CELF5: variants seen among roughly 807,000 people sequenced by gnomAD.
CELF5 encodes the protein CUG-BP and ETR-3 like factor 5.
A neutral mutation model predicts 54.9 loss-of-function variants in CELF5; 6 were observed. The observed-to-expected ratio is 0.11, with a 90% CI of 0.06 to 0.22. The LOEUF is 0.22. Ranked by LOEUF, CELF5 falls within the 10% of genes least tolerant of loss-of-function variation. CELF5 has a pLI of 1.00. For synonymous variants in CELF5, 271 were observed against 290.9 expected (o/e 0.93, Z 0.70); for missense variants, 401 against 678.6 (o/e 0.59, Z 4.54).
chr19:3,248,386 C>CT (rs1232062648), intron 1 of CELF5, among the ~76,000 whole-genome samples: 1 of 152,082 alleles, frequency 6.6e-6, no homozygotes, highest in African/African-American at 2.4e-5. Context: ...CCCCATCCCC[C>CT]TCCCCAGCCC....
At position 3,281,490 on chromosome 19, in the gene CELF5, C is replaced by G; in HGVS notation, c.750+145C>G. ...GCTGAACCCCAACTCCAAATTGAGACCAAGCTCAGACCGAGCCCCTAAATC... is the reference window on the plus strand; with the variant it reads ...GCTGAACCCCAACTCCAAATTGAGAGCAAGCTCAGACCGAGCCCCTAAATC... On this transcript the variant is annotated intron_variant, in intron 6 of 12. Transcript: ENST00000292672. This position sits in a 1 kb window ranked among gnomAD's most constrained non-coding sequence, Gnocchi z 6.5. 1.1e-6 allele frequency: 1 copy of G among 876,124 alleles called. No individual in the cohort carries two copies. Among genetic ancestry groups the G allele is most frequent in the Admixed American group, 2.6e-5 (1 of 38,564 alleles). 54.3% of individuals were successfully genotyped at this position (876,124 alleles called of 1,614,324 possible).
At chr19:3,266,830 C>A (rs755622905) in intron 2 of CELF5, among the ~76,000 whole-genome samples, 3 of 152,048 alleles carry the variant, frequency 2.0e-5, no homozygotes, top group Non-Finnish European at 4.4e-5. Context: ...GACCCCCCGG[C>A]CTGCCAGCCA....
chr19:3,255,173 C>G (rs546449183), intron 2 of CELF5, among the ~76,000 whole-genome samples: 9 of 152,200 alleles, frequency 5.9e-5, no homozygotes, highest in Non-Finnish European at 1.0e-4. Flanking sequence ...GGGGCTCAAA[C>G]TGGCTATGGC....
At chr19:3,279,852 G>A (rs917714061) in intron 5 of CELF5, among the ~76,000 whole-genome samples, 4 of 152,088 alleles carry the variant, frequency 2.6e-5, no homozygotes, top group South Asian at 2.1e-4. Context: ...ACAGGCACGC[G>A]CCACCACACC....
chr19:3,239,512 A>G (rs961570875), intron 1 of CELF5, among the ~76,000 whole-genome samples: 1 of 151,752 alleles, frequency 6.6e-6, no homozygotes, highest in East Asian at 1.9e-4. Context: ...CTGGGACTAC[A>G]GATGTGAGCC....
At chr19:3,262,196 T>G (rs2079815442) in intron 2 of CELF5, among the ~76,000 whole-genome samples, 2 of 151,900 alleles carry the variant, frequency 1.3e-5, no homozygotes, top group South Asian at 4.2e-4. Context: ...GCCCAGCTAA[T>G]TTTTGTATTT....
At chr19:3,256,946 C>T (rs898136908) in intron 2 of CELF5, among the ~76,000 whole-genome samples, 5 of 151,996 alleles carry the variant, frequency 3.3e-5, no homozygotes, top group South Asian at 4.1e-4. Flanking sequence ...GCTCATAGCA[C>T]GATCATAGCT....
intron 2 of CELF5, among the ~76,000 whole-genome samples, chr19:3,272,664 T>C (rs566236777): frequency 8.5e-5 from 13 of 152,286 alleles, no homozygotes; most frequent in African/African-American, 2.2e-4. Context: ...TGTGGGGAGA[T>C]GCCGTGGTTC....
chr19:3,241,175 C>T (rs1000137241), intron 1 of CELF5, among the ~76,000 whole-genome samples: 1 of 151,684 alleles, frequency 6.6e-6, no homozygotes, highest in Non-Finnish European at 1.5e-5. Flanking sequence ...AGTTCTTCTG[C>T]CTCAGGCTCC....
chr19:3,288,889 G>A (rs747763333), intron 10 of CELF5, among the ~76,000 whole-genome samples: 2 of 152,098 alleles, frequency 1.3e-5, no homozygotes, highest in Non-Finnish European at 2.9e-5. Flanking sequence ...GATTCCTCTT[G>A]TTGTGGGGTG....
intron 2 of CELF5, among the ~76,000 whole-genome samples, chr19:3,263,638 C>T (rs1198326513): frequency 1.3e-5 from 2 of 152,098 alleles, no homozygotes; most frequent in African/African-American, 4.8e-5. Flanking sequence ...GGCACGGTGG[C>T]TCACGCCTGT....
At chr19:3,243,166 T>C (rs2079515569) in intron 1 of CELF5, among the ~76,000 whole-genome samples, 2 of 152,090 alleles carry the variant, frequency 1.3e-5, no homozygotes, top group African/African-American at 4.8e-5. Flanking sequence ...TTTTCAGTTT[T>C]TTCTTTTTTT....
At chr19:3,267,834 C>A (rs1289035749) in intron 2 of CELF5, among the ~76,000 whole-genome samples, 1 of 152,106 alleles carries the variant, frequency 6.6e-6, no homozygotes, top group Non-Finnish European at 1.5e-5. Flanking sequence ...CCTGGCAGGA[C>A]CCCTACCTCC....
chr19:3,266,549 A>G lies in CELF5; in HGVS notation c.343-7323A>G, dbSNP rs189414582. Among the ~76,000 whole-genome samples, 182 of 152,302 alleles carry G rather than the reference A, an allele frequency of 1.2e-3. 3 individuals carry two copies. Among genetic ancestry groups the G allele is most frequent in the African/African-American group, 4.1e-3 (171 of 41,550 alleles). ...ATGCAAATACGTCATTTACTCATCC[A>G]TTCCCCTGTTGGGGGACACTTGGGT... On this transcript the variant is annotated intron_variant, in intron 2 of 12. Coordinates refer to ENST00000292672, the MANE Select transcript of CELF5 (RefSeq NM_021938.4).
chr19:3,262,013 T>C (rs1483251562), intron 2 of CELF5, among the ~76,000 whole-genome samples: 1 of 152,018 alleles, frequency 6.6e-6, no homozygotes, highest in East Asian at 1.9e-4. Context: ...ACTCAGAAAC[T>C]GATTTTTAAA....
At chr19:3,262,479 G>C (rs1316477153) in intron 2 of CELF5, among the ~76,000 whole-genome samples, 2 of 152,198 alleles carry the variant, frequency 1.3e-5, no homozygotes, top group Non-Finnish European at 2.9e-5. Context: ...CAGATCCAGA[G>C]TGTTCTAGAC....
chr19:3,234,338 A>G (rs982175074), intron 1 of CELF5, among the ~76,000 whole-genome samples: 4 of 151,948 alleles, frequency 2.6e-5, no homozygotes, highest in Non-Finnish European at 5.9e-5. Context: ...GGCTCAAGCA[A>G]TCTTCCCGCC....
chr19:3,249,381 G>A (rs966596745), intron 1 of CELF5, among the ~76,000 whole-genome samples: 2 of 152,206 alleles, frequency 1.3e-5, no homozygotes, highest in African/African-American at 4.8e-5. Flanking sequence ...GCGAGGGCGG[G>A]TTCTCTTGAC....
chr19:3,230,154 G>A (rs540618096), intron 1 of CELF5, among the ~76,000 whole-genome samples: 7 of 151,996 alleles, frequency 4.6e-5, no homozygotes, highest in African/African-American at 9.7e-5. Flanking sequence ...GCCTTACCTC[G>A]TACTGAGCAA....
Sources: allele counts gnomAD v4.1 joint callset (sites outside exome capture counted in the v4.1 genomes callset), GRCh38; gene constraint gnomAD v4.1.1; non-coding constraint Gnocchi (gnomAD v3.1); transcripts MANE v1.5; gene names NCBI Gene and HGNC (gene_info 2026-07-23, HGNC 2026-07-21).